Variants in SYNE1 observed in about 807,000 individuals in gnomAD.
The protein encoded by SYNE1 is nesprin-1.
SYNE1 carries 616 observed loss-of-function variants against 1,111.0 expected under a neutral mutation model. The ratio of observed to expected loss-of-function variants is 0.55; its 90% CI spans 0.52 to 0.59. SYNE1 has a LOEUF of 0.59. SYNE1 is among the 20% of genes least tolerant of loss of function. SYNE1 has a pLI of 0.00. For synonymous variants in SYNE1, 3,855 were observed against 3,825.8 expected, an observed-to-expected ratio of 1.01 and a Z score of -0.28; for missense variants, 10,006 against 10,417.0, an observed-to-expected ratio of 0.96 and a Z score of 1.72.
chr6:152,266,724 T>C (rs1267701662), intron 100 of SYNE1, among the ~76,000 whole-genome samples: 1 of 152,180 alleles, frequency 6.6e-6, no homozygotes, highest in African/African-American at 2.4e-5. Flanking sequence ...TTGAATGCCT[T>C]CCTATTTCCT....
chr6:152,524,953 C>G lies in SYNE1; in HGVS notation c.225+1127G>C, dbSNP rs563874149. 1.6e-4 allele frequency among the ~76,000 whole-genome samples: 25 copies of G among 152,268 alleles called. No individual in the cohort carries two copies. In the South Asian group the frequency reaches 1.9e-3, roughly 11 times the overall value. Reference sequence around the variant, plus strand: ...CTACTAACTCCCCAACACTTCAAAGCTGCTCTGTGCAACTTGTGCCTTTAA... The same window carrying G: ...CTACTAACTCCCCAACACTTCAAAGGTGCTCTGTGCAACTTGTGCCTTTAA... On this transcript the variant is annotated intron_variant, in intron 5 of 145. Transcript: ENST00000367255.
Position 152,310,017 on chromosome 6 carries a change from G to A in SYNE1, c.17020C>T (p.His5674Tyr), listed in dbSNP as rs1212360878. ...AGTGACTCCATCTCAGACAACAAAT[G>A]CTGAAAATGCAATTTCATAGTTCAA... The part of the protein sequence containing the change: ...SLKEQLSHRQ[H>Y]LLSEMESLKP... The change falls in exon 90 of 146, where the codon CAT becomes TAT. Residue 5674 changes from histidine to tyrosine, a missense_variant and splice_region_variant. By Grantham distance (83) the His-to-Tyr change is moderately conservative. Coordinates refer to ENST00000367255, the MANE Select transcript of SYNE1 (RefSeq NM_182961.4). The A allele has an allele frequency of 8.1e-6, 13 of 1,613,252 alleles. No homozygotes were observed. The highest frequency in any genetic ancestry group is 1.0e-5 in the Non-Finnish European group (12 of 1,179,956).
At chr6:152,180,527 A>G (rs2067698136) in intron 128 of SYNE1, among the ~76,000 whole-genome samples, 1 of 152,178 alleles carries the variant, frequency 6.6e-6, no homozygotes, top group South Asian at 2.1e-4. Flanking sequence ...GGATAATGCA[A>G]CTTCACACAA....
At chr6:152,362,780 A>G (rs2096956361) in intron 63 of SYNE1, among the ~76,000 whole-genome samples, 1 of 152,202 alleles carries the variant, frequency 6.6e-6, no homozygotes. Flanking sequence ...AGAAAATCGT[A>G]ATGAAATAAA....
At chr6:152,342,922 T>TG (rs1488972716) in intron 74 of SYNE1, among the ~76,000 whole-genome samples, 8 of 152,218 alleles carry the variant, frequency 5.3e-5, no homozygotes. Flanking sequence ...CCCAAAACTA[T>TG]GCAAGAAGCT....
At chr6:152,361,531 T>C (rs1288361862) in intron 64 of SYNE1, among the ~76,000 whole-genome samples, 1 of 152,112 alleles carries the variant, frequency 6.6e-6, no homozygotes, top group Non-Finnish European at 1.5e-5. Context: ...TCCAATGTAA[T>C]ATATTCAGGG....
chr6:152,269,124 G>T, intron 99 of SYNE1, 31 bp downstream of exon 99: 1 of 1,614,072 alleles, frequency 6.2e-7, no homozygotes. Flanking sequence ...GGGCAGATCT[G>T]CAAGCTAGAG....
intron 60 of SYNE1, 42 bp from the exon 61 acceptor site, chr6:152,369,169 A>AGCAC (rs1563433298): frequency 1.2e-6 from 2 of 1,606,486 alleles, no homozygotes; most frequent in African/African-American, 2.7e-5. Context: ...GCTGGGGAAA[A>AGCAC]GCACATCGCG....
At chr6:152,425,918 A>G (rs536343552) in intron 38 of SYNE1, among the ~76,000 whole-genome samples, 1 of 152,234 alleles carries the variant, frequency 6.6e-6, no homozygotes, top group Middle Eastern at 3.2e-3. Flanking sequence ...GTAGGCAAAG[A>G]GAATCAAAGA....
chr6:152,586,445 G>GT (rs912392701), intron 3 of SYNE1, among the ~76,000 whole-genome samples: 4 of 152,018 alleles, frequency 2.6e-5, no homozygotes, highest in Admixed American at 2.0e-4. Flanking sequence ...TTCTCTTGCT[G>GT]TTTTTTAACA....
intron 2 of SYNE1, among the ~76,000 whole-genome samples, chr6:152,636,060 T>G (rs1048294106): frequency 6.6e-6 from 1 of 152,214 alleles, no homozygotes; most frequent in African/African-American, 2.4e-5. Flanking sequence ...GATCTCTCTA[T>G]GTGAAACGTA....
In SYNE1 at chr6:152,122,200, T is replaced by G; in HGVS notation, c.*236A>C. On this transcript the variant is annotated 3_prime_UTR_variant, in exon 146 of 146. Transcript: ENST00000367255. ...TACTCAATCTCCTTAGTGCTAAGGT[T>G]CAGAGTCTCAAACCAGATTTCTTCC... The G allele has an allele frequency of 1.6e-6, 1 of 618,440 alleles. No homozygotes were observed. Among genetic ancestry groups the G allele is most frequent in the Non-Finnish European group, 2.8e-6 (1 of 359,416 alleles). 38.3% of individuals were successfully genotyped at this position (618,440 alleles called of 1,614,324 possible). A position where few individuals can be genotyped will look rare whatever the true frequency, so the allele number is the denominator to read the frequency against.
chr6:152,311,615 G>A (rs9397501), intron 87 of SYNE1, among the ~76,000 whole-genome samples: 127,928 of 152,156 alleles, frequency 0.84, 53,914 homozygotes, highest in East Asian at 0.92. Context: ...GGACTTTTGG[G>A]ATCTGACAGA....
intron 105 of SYNE1, among the ~76,000 whole-genome samples, chr6:152,245,551 CATAT>C (rs1434210401): frequency 1.3e-5 from 2 of 152,136 alleles, no homozygotes; most frequent in Non-Finnish European, 2.9e-5. Flanking sequence ...TGTTCTCTGG[CATAT>C]TTTTTCCCCA....
intron 131 of SYNE1, among the ~76,000 whole-genome samples, chr6:152,162,323 T>C (rs1045580918): frequency 6.6e-6 from 1 of 152,250 alleles, no homozygotes; most frequent in African/African-American, 2.4e-5. Flanking sequence ...TTATGTTGGA[T>C]GTCTGTCATC....
chr6:152,592,362 C>T (rs562915859), intron 3 of SYNE1, among the ~76,000 whole-genome samples: 28 of 152,214 alleles, frequency 1.8e-4, no homozygotes, highest in Non-Finnish European at 3.2e-4. Flanking sequence ...AGTACATATA[C>T]ACCATGGAAT....
intron 5 of SYNE1, among the ~76,000 whole-genome samples, chr6:152,525,699 A>C (rs2099160457): frequency 6.6e-6 from 1 of 152,208 alleles, no homozygotes; most frequent in African/African-American, 2.4e-5. Flanking sequence ...AAATACACAG[A>C]TATGGACCAA....
At chr6:152,441,678 A>G (rs1204575454) in intron 31 of SYNE1, among the ~76,000 whole-genome samples, 1 of 152,234 alleles carries the variant, frequency 6.6e-6, no homozygotes. Flanking sequence ...ACTCAGAAAC[A>G]TTTTTAAAGG....
Position 152,369,165 on chromosome 6 carries a change from G to A in SYNE1, c.9652-38C>T, listed in dbSNP as rs561987356. The A allele has an allele frequency of 1.1e-5, 18 of 1,608,322 alleles. 1 individual carries two copies. In the South Asian group the frequency reaches 1.8e-4, roughly 16 times the overall value. On this transcript the variant is annotated intron_variant, in intron 60 of 145. Transcript: ENST00000367255. The stretch of plus-strand genomic sequence containing the variant: ...AGCAAGTTACTATTCAGAGGCTGGG[G>A]AAAAGCACATCGCGGACGAAGCTTT...
Sources: allele counts gnomAD v4.1 joint callset (sites outside exome capture counted in the v4.1 genomes callset), GRCh38; gene constraint gnomAD v4.1.1; transcripts MANE v1.5; gene names NCBI Gene and HGNC (gene_info 2026-07-23, HGNC 2026-07-21).